The following AGBL4 variants were observed in gnomAD, a reference collection of about 807,000 sequenced individuals.
AGBL4 encodes AGBL carboxypeptidase 4.
AGBL4 carries 58 observed loss-of-function variants against 66.4 expected under a neutral mutation model. That is an observed-to-expected ratio of 0.87 (90% CI 0.71 to 1.09). AGBL4 has a LOEUF of 1.09. Among genes scored for constraint, AGBL4 ranks in the 50% least tolerant of loss-of-function variants. The pLI, the probability that AGBL4 is intolerant of heterozygous loss-of-function variation, is 0.00. For missense variants in AGBL4, 579 were observed against 631.0 expected (o/e 0.92, Z 0.88); for synonymous variants, 234 against 222.9 (o/e 1.05, Z -0.44).
chr1:49,212,990 G>C (rs1648791383), intron 4 of AGBL4, among the ~76,000 whole-genome samples: 1 of 151,980 alleles, frequency 6.6e-6, no homozygotes, highest in Non-Finnish European at 1.5e-5. Context: ...AGAACAGTCT[G>C]ATTTTTCCAC....
chr1:49,507,087 G>T (rs564216480), intron 3 of AGBL4, among the ~76,000 whole-genome samples: 1 of 151,998 alleles, frequency 6.6e-6, no homozygotes, highest in Admixed American at 6.6e-5. Context: ...TGCATTCTTG[G>T]GTGTCCTAAA....
At chr1:49,385,738 T>C (rs1644722927) in intron 3 of AGBL4, among the ~76,000 whole-genome samples, 1 of 152,008 alleles carries the variant, frequency 6.6e-6, no homozygotes, top group South Asian at 2.1e-4. Flanking sequence ...TTATAGAAGA[T>C]TTTGGGTTTG....
intron 6 of AGBL4, chr1:48,817,751 G>C: frequency 2.9e-6 from 1 of 344,120 alleles, no homozygotes; most frequent in Non-Finnish European, 5.3e-6. Flanking sequence ...AGGACTGGAA[G>C]CCCAGCCTGG....
At chr1:48,896,774 TTTC>T (rs1181217141) in intron 5 of AGBL4, among the ~76,000 whole-genome samples, 1 of 36,696 alleles carries the variant, frequency 2.7e-5, no homozygotes, top group Non-Finnish European at 1.9e-4. Flanking sequence ...TTTTCCTTTC[TTTC>T]TTTTTTTTTA....
intron 11 of AGBL4, among the ~76,000 whole-genome samples, chr1:48,575,329 G>A (rs116341718): frequency 4.6e-5 from 7 of 152,312 alleles, no homozygotes; most frequent in Non-Finnish European, 8.8e-5. Context: ...TTTCAGAGCC[G>A]ATCTCCCAGG....
At chr1:49,165,690 G>A (rs970311527) in intron 4 of AGBL4, among the ~76,000 whole-genome samples, 3 of 151,666 alleles carry the variant, frequency 2.0e-5, no homozygotes, top group African/African-American at 7.3e-5. Flanking sequence ...AGAGATGGAG[G>A]AAAGGAGGGA....
At chr1:48,893,248 T>C (rs1651149913) in intron 5 of AGBL4, among the ~76,000 whole-genome samples, 2 of 152,146 alleles carry the variant, frequency 1.3e-5, no homozygotes, top group Non-Finnish European at 2.9e-5. Flanking sequence ...GTCCCTGTTA[T>C]GGACTGAATG....
chr1:49,741,535 C>T (rs1650470482), intron 2 of AGBL4, among the ~76,000 whole-genome samples: 1 of 152,166 alleles, frequency 6.6e-6, no homozygotes, highest in Non-Finnish European at 1.5e-5. Context: ...AGGGAATCCT[C>T]CCTAACTCAT....
chr1:48,573,721 T>G (rs150780315), intron 11 of AGBL4, among the ~76,000 whole-genome samples: 18 of 152,342 alleles, frequency 1.2e-4, no homozygotes, highest in Non-Finnish European at 2.4e-4. Flanking sequence ...CCATGAAACC[T>G]ATAATCCAAA....
rs150538022 is a variant in AGBL4, at chr1:48,598,927, C to A, written c.952-7942G>T. Reference sequence around the variant, plus strand: ...AAAACACAAACACATTATACAGCTGCACAAAAATATTTTCTTCCTTTATTA... The same window carrying A: ...AAAACACAAACACATTATACAGCTGAACAAAAATATTTTCTTCCTTTATTA... On this transcript the variant is annotated intron_variant, in intron 9 of 13. Coordinates refer to ENST00000371839, the MANE Select transcript of AGBL4 (RefSeq NM_032785.4). Among the ~76,000 whole-genome samples the A allele has an allele frequency of 1.1e-3, 166 of 152,188 alleles. 1 individual carries two copies. The highest frequency in any genetic ancestry group is 3.9e-3 in the African/African-American group (162 of 41,548).
intron 6 of AGBL4, among the ~76,000 whole-genome samples, chr1:48,775,236 A>C (rs914081845): frequency 6.6e-6 from 1 of 152,100 alleles, no homozygotes; most frequent in Non-Finnish European, 1.5e-5. Flanking sequence ...GTATGGATAG[A>C]GCCTGTCAAA....
intron 6 of AGBL4, among the ~76,000 whole-genome samples, chr1:48,794,327 C>G (rs749432398): frequency 2.6e-5 from 4 of 152,200 alleles, no homozygotes; most frequent in Non-Finnish European, 5.9e-5. Context: ...TATGCACTTA[C>G]ACATGCCCAA....
chr1:48,736,526 A>G lies in AGBL4; in HGVS notation c.635-73285T>C. 1 of 1,281,090 alleles carries G rather than the reference A, an allele frequency of 7.8e-7. No individual in the cohort carries two copies. The highest frequency in any genetic ancestry group is 1.3e-5 in the South Asian group (1 of 79,890). 79.4% of individuals were successfully genotyped at this position (1,281,090 alleles called of 1,614,324 possible). On this transcript the variant is annotated intron_variant, in intron 6 of 13. Transcript: ENST00000371839. The surrounding 1 kb of genome is among the most constrained non-coding windows in gnomAD (Gnocchi z 4.0). ...GTGGGAGGCTTCTCTTGTCCTTTAA[A>G]AAGCATTGCTGCACAACTGTAAGAG...
At chr1:48,904,844 G>T (rs1652430775) in intron 5 of AGBL4, among the ~76,000 whole-genome samples, 1 of 152,154 alleles carries the variant, frequency 6.6e-6, no homozygotes, top group South Asian at 2.1e-4. Flanking sequence ...TTCAATGCAA[G>T]AATTATGAAC....
At chr1:49,195,928 G>T (rs536065895) in intron 4 of AGBL4, among the ~76,000 whole-genome samples, 12 of 152,030 alleles carry the variant, frequency 7.9e-5, no homozygotes, top group Non-Finnish European at 1.8e-4. Context: ...TTGTCATAGT[G>T]AGTGAGTTCC....
chr1:48,583,116 CTG>C (rs1644764657), intron 11 of AGBL4, among the ~76,000 whole-genome samples: 1 of 152,210 alleles, frequency 6.6e-6, no homozygotes, highest in South Asian at 2.1e-4. Context: ...ACATCTCCCA[CTG>C]TGTGAATCAG....
intron 6 of AGBL4, among the ~76,000 whole-genome samples, chr1:48,755,704 A>T (rs1350024725): frequency 6.6e-6 from 1 of 152,188 alleles, no homozygotes; most frequent in Non-Finnish European, 1.5e-5. Flanking sequence ...AGACTTTCCA[A>T]GAGAGACTTC....
chr1:48,649,500 A>G (rs1201952501), intron 8 of AGBL4, among the ~76,000 whole-genome samples: 1 of 152,260 alleles, frequency 6.6e-6, no homozygotes, highest in Non-Finnish European at 1.5e-5. Context: ...TATAAACTTT[A>G]GTATAGGCTC....
intron 6 of AGBL4, among the ~76,000 whole-genome samples, chr1:48,825,749 G>A (rs150912112): frequency 6.6e-6 from 1 of 152,180 alleles, no homozygotes; most frequent in African/African-American, 2.4e-5. Flanking sequence ...CAAGTACCAA[G>A]TGAAAAACTC....
Sources: allele counts gnomAD v4.1 joint callset (sites outside exome capture counted in the v4.1 genomes callset), GRCh38; gene constraint gnomAD v4.1.1; non-coding constraint Gnocchi (gnomAD v3.1); transcripts MANE v1.5; gene names NCBI Gene and HGNC (gene_info 2026-07-23, HGNC 2026-07-21).